Variants in FGF10 observed in about 807,000 individuals in gnomAD.
The protein encoded by FGF10 is fibroblast growth factor 10.
Under a neutral mutation model 19.8 loss-of-function variants are expected in FGF10, and 2 were observed. The ratio of observed to expected loss-of-function variants is 0.10; its 90% confidence interval spans 0.04 to 0.32. The LOEUF is 0.32. FGF10 is among the 10% of genes least tolerant of loss of function. The probability of loss-of-function intolerance (pLI) is 1.00; values close to 1 mark genes in which losing one functional copy is unlikely to be tolerated. For missense variants in FGF10, 191 were observed against 246.3 expected (o/e 0.78, Z 1.50); for synonymous variants, 112 against 94.0 (o/e 1.19, Z -1.10).
intron 1 of FGF10, among the ~76,000 whole-genome samples, chr5:44,365,660 A>C (rs1022965890): frequency 2.6e-5 from 4 of 151,974 alleles, no homozygotes; most frequent in African/African-American, 9.7e-5. Context: ...TCCCAGTCTC[A>C]GGTCCTTTGC....
chr5:44,374,875 A>G (rs367789543), intron 1 of FGF10, among the ~76,000 whole-genome samples: 1,087 of 65,476 alleles, frequency 0.017, 7 homozygotes, highest in Admixed American at 0.039. Context: ...GATTCACTTC[A>G]TGATTACACA....
intron 1 of FGF10, among the ~76,000 whole-genome samples, chr5:44,345,443 A>G (rs1741067462): frequency 6.6e-6 from 1 of 151,916 alleles, no homozygotes; most frequent in South Asian, 2.1e-4. Flanking sequence ...GTGAATGACC[A>G]TTACCATCAT....
At chr5:44,364,105 A>G (rs1741551230) in intron 1 of FGF10, among the ~76,000 whole-genome samples, 1 of 151,894 alleles carries the variant, frequency 6.6e-6, no homozygotes, top group Non-Finnish European at 1.5e-5. Context: ...AACCCATCTG[A>G]GTTACATTTT....
intron 1 of FGF10, among the ~76,000 whole-genome samples, chr5:44,325,436 G>A (rs1004576283): frequency 2.6e-5 from 4 of 151,952 alleles, no homozygotes; most frequent in Admixed American, 1.3e-4. Flanking sequence ...ACATGCACAC[G>A]TATGTTTATT....
intron 1 of FGF10, among the ~76,000 whole-genome samples, chr5:44,348,771 C>G (rs767274679): frequency 1.3e-5 from 2 of 151,484 alleles, no homozygotes; most frequent in Middle Eastern, 3.2e-3. Context: ...TAATTGGAAG[C>G]CATTTAATAG....
In FGF10 at chr5:44,303,056, CCA is replaced by C. The variant is rs372182745; in HGVS notation, c.*1937_*1938del. On this transcript the variant is annotated 3_prime_UTR_variant, in exon 3 of 3. Transcript: ENST00000264664. ...TTAAATTTTAACATCCAGATTCCAA[CCA>C]CAAAAATTAAACATTTTTATAATCT... Among the ~76,000 whole-genome samples, 177 of 152,224 alleles carry C rather than the reference CCA, an allele frequency of 1.2e-3. No homozygotes were observed. Among genetic ancestry groups the C allele is most frequent in the African/African-American group, 4.2e-3 (175 of 41,550 alleles).
chr5:44,343,780 C>T (rs567289397), intron 1 of FGF10, among the ~76,000 whole-genome samples: 1 of 151,842 alleles, frequency 6.6e-6, no homozygotes, highest in East Asian at 1.9e-4. Flanking sequence ...ATGTGATCAC[C>T]TTCTATTTAT....
rs1742173732 is a variant in FGF10 at position 44,388,831 on chromosome 5, A to G, written c.-149T>C. On this transcript the variant is annotated 5_prime_UTR_variant, in exon 1 of 3. Coordinates refer to ENST00000264664, the MANE Select transcript of FGF10 (RefSeq NM_004465.2). ...GGATCTGGCCAGAAGTGAATGCACCAACATCCATAACTCCTCGGAAAAGCC... is the reference window on the plus strand; with the variant it reads ...GGATCTGGCCAGAAGTGAATGCACCGACATCCATAACTCCTCGGAAAAGCC... 3 of 763,032 alleles carry G rather than the reference A, an allele frequency of 3.9e-6. No individual in the cohort carries two copies. The highest frequency in any genetic ancestry group is 4.0e-5 in the Admixed American group (2 of 49,488). 47.3% of individuals were successfully genotyped at this position (763,032 alleles called of 1,614,324 possible).
intron 1 of FGF10, among the ~76,000 whole-genome samples, chr5:44,327,691 C>G (rs543303744): frequency 9.8e-5 from 15 of 152,318 alleles, no homozygotes; most frequent in African/African-American, 3.6e-4. Flanking sequence ...AGACAACAAA[C>G]AGCTTTCTCA....
intron 2 of FGF10, among the ~76,000 whole-genome samples, chr5:44,308,750 G>C (rs927895839): frequency 2.0e-5 from 3 of 152,094 alleles, no homozygotes; most frequent in African/African-American, 7.2e-5. Flanking sequence ...TGACTCCCCA[G>C]TTAAAAGTGG....
intron 1 of FGF10, among the ~76,000 whole-genome samples, chr5:44,349,820 T>C (rs1741194149): frequency 6.6e-6 from 1 of 151,252 alleles, no homozygotes; most frequent in Admixed American, 6.6e-5. Flanking sequence ...TTTGGATTCC[T>C]ACAGACCTGG....
intron 1 of FGF10, among the ~76,000 whole-genome samples, chr5:44,338,017 A>T (rs1490749882): frequency 2.0e-5 from 3 of 152,206 alleles, no homozygotes; most frequent in Non-Finnish European, 4.4e-5. Context: ...AAATAAATGT[A>T]TGTATTAAAT....
rs181649636 is a variant in FGF10, at chr5:44,330,242, T to A, written c.326-19712A>T. Among the ~76,000 whole-genome samples the A allele has an allele frequency of 1.4e-4, 21 of 152,316 alleles. No homozygotes were observed. The East Asian group carries it at 3.3e-3, about 24-fold the overall frequency. ...GACTTCGCTTTCTCAACATATGGCT[T>A]ATGTTACAACTGAGCAAGCCCCCAG... On this transcript the variant is annotated intron_variant, in intron 1 of 2. Transcript: ENST00000264664.
chr5:44,376,464 T>G (rs1185080832), intron 1 of FGF10, among the ~76,000 whole-genome samples: 1 of 54,540 alleles, frequency 1.8e-5, no homozygotes, highest in Non-Finnish European at 3.8e-5. Context: ...ACCAAGTAAA[T>G]CTAAGACAAG....
chr5:44,357,103 T>C (rs1032166421), intron 1 of FGF10, among the ~76,000 whole-genome samples: 7 of 113,358 alleles, frequency 6.2e-5, no homozygotes, highest in Non-Finnish European at 9.7e-5. Flanking sequence ...TACCTCCAAT[T>C]TCCTAAGATT....
chr5:44,340,171 G>A (rs1740937194), intron 1 of FGF10, among the ~76,000 whole-genome samples: 4 of 152,124 alleles, frequency 2.6e-5, no homozygotes, highest in Admixed American at 2.6e-4. Flanking sequence ...AATGACGGGA[G>A]CAGATGAGAC....
chr5:44,312,055 A>T (rs1364621819), intron 1 of FGF10, among the ~76,000 whole-genome samples: 1 of 151,960 alleles, frequency 6.6e-6, no homozygotes, highest in Non-Finnish European at 1.5e-5. Context: ...CTCTGACCTA[A>T]CACAGCACTC....
intron 1 of FGF10, among the ~76,000 whole-genome samples, chr5:44,312,647 C>G (rs547601787): frequency 6.6e-6 from 1 of 152,088 alleles, no homozygotes; most frequent in African/African-American, 2.4e-5. Flanking sequence ...GCAGAAGATA[C>G]AGAGCAGAGC....
chr5:44,344,939 T>C (rs1045204312), intron 1 of FGF10, among the ~76,000 whole-genome samples: 1 of 151,888 alleles, frequency 6.6e-6, no homozygotes, highest in African/African-American at 2.4e-5. Flanking sequence ...TCCCTTCTTT[T>C]CATGTTGATA....
Sources: gnomAD v4.1 joint callset for allele counts (sites outside exome capture counted in the v4.1 genomes callset) on GRCh38, gnomAD v4.1.1 for gene constraint, MANE v1.5 for transcripts, NCBI Gene and HGNC (gene_info 2026-07-23, HGNC 2026-07-21) for gene names.